Variants in COP1 observed in about 807,000 individuals in gnomAD.
COP1 encodes COP1 E3 ubiquitin ligase.
Under a neutral mutation model 101.3 loss-of-function variants are expected in COP1, and 24 were observed. That is an observed-to-expected ratio of 0.24 (90% confidence interval 0.17 to 0.33). The LOEUF (loss-of-function observed/expected upper bound fraction) is 0.33. COP1 is among the 10% of genes least tolerant of loss of function. The pLI is 1.00. For missense variants in COP1, 663 were observed against 906.2 expected, an observed-to-expected ratio of 0.73 and a Z score of 3.45; for synonymous variants, 347 against 341.9, an observed-to-expected ratio of 1.01 and a Z score of -0.17.
chr1:176,049,272 T>C (rs1672121147), intron 11 of COP1, among the ~76,000 whole-genome samples: 1 of 151,938 alleles, frequency 6.6e-6, no homozygotes, highest in Non-Finnish European at 1.5e-5. Flanking sequence ...AAGACAGCTC[T>C]CTCTCTTTTT....
At chr1:175,995,810 C>T (rs942199784) in intron 15 of COP1, among the ~76,000 whole-genome samples, 10 of 152,250 alleles carry the variant, frequency 6.6e-5, no homozygotes, top group Admixed American at 2.0e-4. Context: ...CCGAATTCTA[C>T]CAGAGGTACA....
chr1:176,055,451 CA>C (rs1337995683), intron 11 of COP1, among the ~76,000 whole-genome samples: 2 of 152,098 alleles, frequency 1.3e-5, no homozygotes, highest in African/African-American at 2.4e-5. Flanking sequence ...ATAAACAAAA[CA>C]AAACAAAAGC....
At chr1:175,961,796 C>A (rs943066405) in intron 18 of COP1, among the ~76,000 whole-genome samples, 1 of 150,210 alleles carries the variant, frequency 6.7e-6, no homozygotes, top group Non-Finnish European at 1.5e-5. Context: ...ATAAGAAAGG[C>A]TTCACAGATT....
chr1:175,999,764 C>T (rs1051119624), intron 15 of COP1, among the ~76,000 whole-genome samples: 2 of 152,060 alleles, frequency 1.3e-5, no homozygotes, highest in African/African-American at 4.8e-5. Flanking sequence ...ACATCCTCAC[C>T]AGCATTTGTT....
chr1:175,966,260 T>C (rs1385518370), intron 18 of COP1, among the ~76,000 whole-genome samples: 1 of 149,104 alleles, frequency 6.7e-6, no homozygotes, highest in Admixed American at 6.8e-5. Context: ...GTGAATTAGC[T>C]GTCTGAATTG....
chr1:176,003,131 G>T (rs1450042747), intron 15 of COP1, among the ~76,000 whole-genome samples: 2 of 152,026 alleles, frequency 1.3e-5, no homozygotes, highest in African/African-American at 4.8e-5. Flanking sequence ...TTTTTCATGT[G>T]TTTTTTGGCT....
chr1:176,101,717 T>C (rs188861127), intron 9 of COP1, among the ~76,000 whole-genome samples: 2 of 152,324 alleles, frequency 1.3e-5, no homozygotes, highest in Admixed American at 6.5e-5. Context: ...TTTGTTTTGA[T>C]ACATGTTTTC....
intron 11 of COP1, among the ~76,000 whole-genome samples, chr1:176,078,610 A>G (rs1206741331): frequency 8.7e-6 from 1 of 114,444 alleles, no homozygotes; most frequent in African/African-American, 2.8e-5. Context: ...AGTCTTCAAA[A>G]GCAATTGCAA....
intron 9 of COP1, among the ~76,000 whole-genome samples, chr1:176,090,216 T>C (rs1186683543): frequency 6.6e-6 from 1 of 152,114 alleles, no homozygotes; most frequent in Non-Finnish European, 1.5e-5. Flanking sequence ...CCACCCCCTG[T>C]CCCTGCCTGC....
intron 1 of COP1, among the ~76,000 whole-genome samples, chr1:176,192,040 C>T (rs1699165280): frequency 6.6e-6 from 1 of 152,028 alleles, no homozygotes; most frequent in African/African-American, 2.4e-5. Flanking sequence ...AAGGAAAGGA[C>T]ACCATGATTA....
Position 176,020,449 on chromosome 1 carries a change from C to A in COP1, c.1729+7123G>T, listed in dbSNP as rs150840295. ...ACACCAGCACTTTGGGAGGCCAAGG[C>A]AGGTGGATCACCTGAGGTCAGAAGT... On this transcript the variant is annotated intron_variant, in intron 15 of 19. Coordinates refer to ENST00000367669, the MANE Select transcript of COP1 (RefSeq NM_022457.7). 9.4e-4 allele frequency among the ~76,000 whole-genome samples: 143 copies of A among 152,066 alleles called. No homozygotes were observed. The Middle Eastern group carries it at 0.014, about 14-fold the overall frequency.
intron 14 of COP1, among the ~76,000 whole-genome samples, chr1:176,034,770 C>A (rs1037296495): frequency 3.3e-5 from 5 of 152,162 alleles, no homozygotes; most frequent in Non-Finnish European, 7.3e-5. Flanking sequence ...GAAAAGATGA[C>A]CCAAGTCCTA....
At chr1:175,969,986 G>A (rs561059486) in intron 18 of COP1, among the ~76,000 whole-genome samples, 1 of 152,176 alleles carries the variant, frequency 6.6e-6, no homozygotes, top group East Asian at 1.9e-4. Flanking sequence ...ATTGATAAAA[G>A]TAGGCTCTCT....
intron 9 of COP1, among the ~76,000 whole-genome samples, chr1:176,107,862 CT>C (rs1684584228): frequency 6.6e-6 from 1 of 152,104 alleles, no homozygotes; most frequent in South Asian, 2.1e-4. Flanking sequence ...TAATCTGAAT[CT>C]TAAGCATAAG....
chr1:176,158,468 A>G (rs1257319966), intron 5 of COP1, among the ~76,000 whole-genome samples: 3 of 152,166 alleles, frequency 2.0e-5, no homozygotes, highest in Non-Finnish European at 4.4e-5. Context: ...CAGAAATGGT[A>G]AATAAATGGG....
intron 14 of COP1, among the ~76,000 whole-genome samples, chr1:176,038,786 C>G (rs139229940): frequency 6.7e-6 from 1 of 150,286 alleles, no homozygotes; most frequent in African/African-American, 2.5e-5. Flanking sequence ...TCATTGCACT[C>G]CAGCCTGAGC....
chr1:176,205,373 A>G (rs1448431838), intron 1 of COP1, among the ~76,000 whole-genome samples: 3 of 152,220 alleles, frequency 2.0e-5, no homozygotes, highest in Non-Finnish European at 4.4e-5. Flanking sequence ...AAAGGTGAAT[A>G]AAGACATCAT....
intron 8 of COP1, among the ~76,000 whole-genome samples, chr1:176,123,311 C>G (rs1193290256): frequency 6.6e-6 from 1 of 152,038 alleles, no homozygotes; most frequent in Admixed American, 6.6e-5. Context: ...TCATGAACAG[C>G]AGAAATGGTA....
intron 17 of COP1, among the ~76,000 whole-genome samples, chr1:175,987,530 C>T (rs1219704164): frequency 1.3e-5 from 2 of 152,158 alleles, no homozygotes; most frequent in Admixed American, 1.3e-4. Flanking sequence ...AAAGTGGCAA[C>T]ACTTACACAG....
Sources: gnomAD v4.1 joint callset for allele counts (sites outside exome capture counted in the v4.1 genomes callset) on GRCh38, gnomAD v4.1.1 for gene constraint, MANE v1.5 for transcripts, NCBI Gene and HGNC (gene_info 2026-07-23, HGNC 2026-07-21) for gene names.